Variants in COG7 observed in about 807,000 individuals in gnomAD.
COG7 encodes component of oligomeric golgi complex 7.
In COG7, 49 loss-of-function variants were observed where a neutral mutation model predicts 91.5. The ratio of observed to expected loss-of-function variants is 0.54; its 90% CI spans 0.43 to 0.68. The LOEUF (loss-of-function observed/expected upper bound fraction) is 0.68, where lower values mean the gene tolerates loss of function less well. Ranked by LOEUF, COG7 falls within the 30% of genes least tolerant of loss-of-function variation. The probability of loss-of-function intolerance (pLI) is 0.00; values close to 1 mark genes in which losing one functional copy is unlikely to be tolerated. For missense variants in COG7, 895 were observed against 961.3 expected (o/e 0.93, Z 0.91); for synonymous variants, 365 against 388.7 (o/e 0.94, Z 0.72).
rs768775687 is a variant in COG7 at position 23,452,962 on chromosome 16, G to C, written c.33C>G (p.Phe11Leu). 9 of 1,614,068 alleles carry C rather than the reference G, an allele frequency of 5.6e-6. No homozygotes were observed. The South Asian group carries it at 9.9e-5, about 18-fold the overall frequency. The change falls in exon 1 of 17, where the codon TTC (phenylalanine) becomes TTG (leucine). Residue 11 changes from phenylalanine to leucine, a missense_variant. Physicochemically the swap from Phe to Leu is conservative, Grantham distance 22 (BLOSUM62 0). Transcript: ENST00000307149. MDFSKFLADDFDVKEWINAAF... is the reference protein window; with the variant it reads MDFSKFLADDLDVKEWINAAF... ...CCGCATTGATCCACTCCTTCACGTC[G>C]AAGTCGTCTGCCAGGAACTTGGAGA...
intron 7 of COG7, among the ~76,000 whole-genome samples, chr16:23,419,832 C>G: frequency 6.6e-6 from 1 of 150,794 alleles, no homozygotes; most frequent in East Asian, 2.0e-4. Flanking sequence ...CCTAGGACTT[C>G]CTAGAAACAG....
At chr16:23,393,149 C>T (rs748470144) in intron 15 of COG7, 84 bp downstream of exon 15, 5 of 962,520 alleles carry the variant, frequency 5.2e-6, no homozygotes, top group Non-Finnish European at 6.6e-6. Flanking sequence ...ACAAATGAGC[C>T]CAAGGATAAG....
rs111413151 is a variant in COG7, at chr16:23,398,046, G to A, written c.1887C>T (p.Asn629=). 26 of 1,613,374 alleles carry A rather than the reference G, an allele frequency of 1.6e-5. No homozygotes were observed. Among genetic ancestry groups the A allele is most frequent in the African/African-American group, 6.7e-5 (5 of 74,892 alleles). Residue 629 remains asparagine (N), a splice_region_variant and synonymous_variant, in exon 14 of 17, where the codon AAC becomes AAT. Transcript: ENST00000307149. ...FSLTPLEYIS[N]IGQYIMSLPL... ...TGGAGAAGCACACAGAAGCTCTTAC[G>A]TTGCTGATGTACTCGAGAGGGGTGA...
chr16:23,404,425 A>T (rs1424807047), intron 12 of COG7, among the ~76,000 whole-genome samples: 1 of 152,254 alleles, frequency 6.6e-6, no homozygotes, highest in African/African-American at 2.4e-5. Flanking sequence ...AGATAAACAG[A>T]GTTGCTTTAA....
At chr16:23,431,880 G>A (rs1963940641) in intron 6 of COG7, among the ~76,000 whole-genome samples, 2 of 151,004 alleles carry the variant, frequency 1.3e-5, no homozygotes, top group Non-Finnish European at 2.9e-5. Flanking sequence ...GGTGGCTCAT[G>A]CCTGTAATCC....
chr16:23,406,460 AC>A (rs1963463965), intron 11 of COG7, among the ~76,000 whole-genome samples, 198 bp from the exon 12 acceptor site: 1 of 152,176 alleles, frequency 6.6e-6, no homozygotes, highest in Non-Finnish European at 1.5e-5. Context: ...AATAAAAAAA[AC>A]CCAGTGTTTT....
chr16:23,452,774 G>T, intron 1 of COG7, 52 bp downstream of exon 1: 1 of 1,569,656 alleles, frequency 6.4e-7, no homozygotes, highest in Non-Finnish European at 8.6e-7. Flanking sequence ...GGTGACCTCT[G>T]CCCAGCCGAG....
rs1462177440 is a variant in COG7 at position 23,406,120 on chromosome 16, G to C, written c.1618C>G (p.Pro540Ala). 1 of 1,614,100 alleles carries C rather than the reference G, an allele frequency of 6.2e-7. No homozygotes were observed. Among genetic ancestry groups the C allele is most frequent in the South Asian group, 1.1e-5 (1 of 91,076 alleles). ...QEYNYLQKDN[P>A]AEYASLMEIL... ...TCCATTAAACTGGCATATTCAGCAG[G>C]GTTATCTTTCTGGAGGTAATTATAT... Residue 540 changes from proline to alanine, a missense_variant, in exon 12 of 17, where the codon CCT becomes GCT. By Grantham distance (27) the Pro-to-Ala change is conservative. Transcript: ENST00000307149.
chr16:23,433,431 C>T (rs187869861), intron 6 of COG7, 114 bp downstream of exon 6: 59 of 1,369,910 alleles, frequency 4.3e-5, no homozygotes, highest in East Asian at 9.2e-5. Flanking sequence ...CAGCAACAAA[C>T]GGGGAAGTTC....
intron 13 of COG7, among the ~76,000 whole-genome samples, 176 bp downstream of exon 13, chr16:23,403,513 AAAGAT>A (rs1458843138): frequency 6.6e-6 from 1 of 152,220 alleles, no homozygotes; most frequent in Admixed American, 6.5e-5. Flanking sequence ...TAACTACAAT[AAAGAT>A]AAGAAATTCA....
At chr16:23,419,372 T>C (rs1363974959) in intron 7 of COG7, among the ~76,000 whole-genome samples, 12 of 147,080 alleles carry the variant, frequency 8.2e-5, no homozygotes, top group South Asian at 6.5e-4. Flanking sequence ...GATCACACCA[T>C]TGCATTCCAG....
intron 9 of COG7, chr16:23,416,180 C>T (rs564055296): frequency 3.4e-4 from 52 of 152,332 alleles, no homozygotes; most frequent in African/African-American, 1.2e-3. Context: ...CAGGCATCCA[C>T]CATCATGCCT....
At chr16:23,443,504 C>A (rs1964134365) in intron 3 of COG7, among the ~76,000 whole-genome samples, 1 of 151,978 alleles carries the variant, frequency 6.6e-6, no homozygotes, top group Non-Finnish European at 1.5e-5. Context: ...ACCAGCCTGG[C>A]CAACATGGTG....
chr16:23,392,189 G>C, intron 16 of COG7, 191 bp downstream of exon 16: 13 of 1,476,784 alleles, frequency 8.8e-6, no homozygotes, highest in Non-Finnish European at 1.2e-5. Context: ...CTGAGCTTCA[G>C]CCCGGTCTTG....
At chr16:23,390,190 GTTTTTTTTTTTT>G (rs1056918558) in intron 16 of COG7, 2 of 125,708 alleles carry the variant, frequency 1.6e-5, no homozygotes, top group African/African-American at 5.8e-5. Context: ...CCCCTGGCTA[GTTTTTTTTTTTT>G]TTTTTTTTTT....
At position 23,405,664 on chromosome 16, in the gene COG7, G is replaced by A. The variant is rs557698148; in HGVS notation, c.1662+412C>T. The stretch of plus-strand genomic sequence containing the variant: ...CCCAAGTAGCTGGGACTACAGGTGC[G>A]TGCCACCACACCTGGCTAATTTTTG... On this transcript the variant is annotated intron_variant, in intron 12 of 16. Transcript: ENST00000307149. Among the ~76,000 whole-genome samples, 4 of 151,912 alleles carry A rather than the reference G, an allele frequency of 2.6e-5. No individual in the cohort carries two copies. In the East Asian group the frequency reaches 5.8e-4, roughly 22 times the overall value.
chr16:23,450,994 G>C (rs1964256683), intron 1 of COG7, among the ~76,000 whole-genome samples: 1 of 152,150 alleles, frequency 6.6e-6, no homozygotes, highest in Non-Finnish European at 1.5e-5. Flanking sequence ...AGGAGTTCAA[G>C]ATCAGCCTGG....
chr16:23,441,289 A>G (rs1183017150), intron 4 of COG7, among the ~76,000 whole-genome samples: 1 of 152,344 alleles, frequency 6.6e-6, no homozygotes, highest in African/African-American at 2.4e-5. Flanking sequence ...ATAAAGTTTT[A>G]CTTGGCCAGG....
chr16:23,439,018 T>A (rs1964056095), intron 4 of COG7, among the ~76,000 whole-genome samples: 1 of 150,986 alleles, frequency 6.6e-6, no homozygotes, highest in Admixed American at 6.6e-5. Flanking sequence ...ATTAGCTAGG[T>A]GTGGTGGTGC....
Sources: gnomAD v4.1 joint callset for allele counts (sites outside exome capture counted in the v4.1 genomes callset) on GRCh38, gnomAD v4.1.1 for gene constraint, MANE v1.5 for transcripts, NCBI Gene and HGNC (gene_info 2026-07-23, HGNC 2026-07-21) for gene names.